The following EYS variants were observed in gnomAD, a reference collection of about 807,000 sequenced individuals.
EYS encodes protein eyes shut homolog.
Under a neutral mutation model 282.1 loss-of-function variants are expected in EYS, and 250 were observed. The observed-to-expected ratio is 0.89, with a 90% CI of 0.80 to 0.98. The LOEUF (loss-of-function observed/expected upper bound fraction) is 0.98. Among genes scored for constraint, EYS ranks in the 50% least tolerant of loss-of-function variants. EYS has a pLI of 0.00. For synonymous variants in EYS, 1,355 were observed against 1,282.9 expected, an observed-to-expected ratio of 1.06 and a Z score of -1.20; for missense variants, 4,016 against 3,709.0, an observed-to-expected ratio of 1.08 and a Z score of -2.15.
At position 64,573,789 on chromosome 6, in the gene EYS, A is replaced by G. The variant is rs544379043; in HGVS notation, c.5644+16434T>C. 1.2e-4 allele frequency among the ~76,000 whole-genome samples: 18 copies of G among 152,328 alleles called. No individual in the cohort carries two copies. The South Asian group carries it at 3.7e-3, about 32-fold the overall frequency. On this transcript the variant is annotated intron_variant, in intron 26 of 42. Transcript: ENST00000503581. Reference sequence around the variant, plus strand: ...AGTCAGGAAACAACAGATGCTGGCGAAGTTGTGGAGAAACAGGAATGCTTT... The same window carrying G: ...AGTCAGGAAACAACAGATGCTGGCGGAGTTGTGGAGAAACAGGAATGCTTT...
intron 12 of EYS, among the ~76,000 whole-genome samples, chr6:65,212,398 C>G (rs1486469761): frequency 1.3e-5 from 2 of 152,184 alleles, no homozygotes; most frequent in South Asian, 2.1e-4. Context: ...GGGATCTATA[C>G]AGCTGAATCT....
intron 36 of EYS, among the ~76,000 whole-genome samples, chr6:63,829,438 C>T (rs1241160541): frequency 6.6e-6 from 1 of 152,182 alleles, no homozygotes; most frequent in African/African-American, 2.4e-5. Flanking sequence ...ATTGGAGGGT[C>T]CCACGCCCAC....
At chr6:65,325,066 C>T (rs1192925005) in intron 11 of EYS, among the ~76,000 whole-genome samples, 1 of 152,190 alleles carries the variant, frequency 6.6e-6, no homozygotes, top group South Asian at 2.1e-4. Context: ...AGGTACACCC[C>T]CAGGCAGCTG....
At chr6:64,376,066 A>C (rs557521261) in intron 29 of EYS, among the ~76,000 whole-genome samples, 1 of 152,330 alleles carries the variant, frequency 6.6e-6, no homozygotes, top group African/African-American at 2.4e-5. Flanking sequence ...GGAGATTACA[A>C]AGCAAAATAA....
intron 30 of EYS, among the ~76,000 whole-genome samples, chr6:64,289,633 A>G (rs1768628013): frequency 6.6e-6 from 1 of 152,088 alleles, no homozygotes; most frequent in Non-Finnish European, 1.5e-5. Flanking sequence ...GAAAATAACT[A>G]CACAAATATA....
At chr6:64,997,446 T>A (rs1449805756) in intron 14 of EYS, 136 bp downstream of exon 14, 1 of 792,224 alleles carries the variant, frequency 1.3e-6, no homozygotes, top group East Asian at 2.9e-5. Context: ...GAGTTTCTGT[T>A]TTCTAACCTT....
intron 35 of EYS, among the ~76,000 whole-genome samples, chr6:63,898,145 T>A (rs537999281): frequency 6.6e-6 from 1 of 152,250 alleles, no homozygotes; most frequent in Non-Finnish European, 1.5e-5. Context: ...ATTTCTGTAG[T>A]GATATTTGGG....
intron 12 of EYS, among the ~76,000 whole-genome samples, chr6:65,083,856 C>A (rs939976049): frequency 8.6e-5 from 13 of 151,458 alleles, no homozygotes; most frequent in Admixed American, 5.9e-4. Flanking sequence ...TAGTATTAAT[C>A]TGAAGGTGAT....
At position 65,156,676 on chromosome 6, in the gene EYS, C is replaced by T. The variant is rs1050893502; in HGVS notation, c.2024-98949G>A. ...TGACATGAGGATGGCATTCCACATA[C>T]TCTACTCATAATTATCCAGACCATT... is the stretch of plus-strand genomic sequence containing the variant. On this transcript the variant is annotated intron_variant, in intron 12 of 42. Coordinates refer to ENST00000503581, the MANE Select transcript of EYS (RefSeq NM_001142800.2). Among the ~76,000 whole-genome samples the T allele has an allele frequency of 4.6e-5, 7 of 151,092 alleles. No homozygotes were observed. In the East Asian group the frequency reaches 1.4e-3, roughly 30 times the overall value.
chr6:63,965,181 CCTTTATAG>C (rs1227218839), intron 35 of EYS, among the ~76,000 whole-genome samples: 3 of 152,204 alleles, frequency 2.0e-5, no homozygotes, highest in Middle Eastern at 3.4e-3. Context: ...TTGTATTTAT[CCTTTATAG>C]GGTAGAATTC....
intron 35 of EYS, among the ~76,000 whole-genome samples, chr6:63,874,327 G>A (rs1772903299): frequency 6.6e-6 from 1 of 152,122 alleles, no homozygotes; most frequent in African/African-American, 2.4e-5. Flanking sequence ...TTATTTCTGA[G>A]GGCTCTGTTC....
intron 35 of EYS, among the ~76,000 whole-genome samples, chr6:63,887,321 T>TTG (rs960045944): frequency 1.3e-5 from 2 of 150,138 alleles, no homozygotes; most frequent in Non-Finnish European, 3.0e-5. Context: ...GGTGTTTTTT[T>TTG]TTTTTTTTTT....
intron 12 of EYS, among the ~76,000 whole-genome samples, chr6:65,105,651 C>T (rs569308752): frequency 5.3e-5 from 8 of 151,792 alleles, no homozygotes; most frequent in South Asian, 2.1e-4. Flanking sequence ...GAAACCACTG[C>T]GGTGCACTAT....
At chr6:64,846,649 T>C (rs950293586) in intron 19 of EYS, among the ~76,000 whole-genome samples, 2 of 152,128 alleles carry the variant, frequency 1.3e-5, no homozygotes, top group Non-Finnish European at 1.5e-5. Context: ...TTATATATTC[T>C]CAAAGCAATT....
intron 23 of EYS, 109 bp downstream of exon 23, chr6:64,626,012 T>C (rs779833690): frequency 2.4e-5 from 15 of 616,752 alleles, no homozygotes; most frequent in African/African-American, 3.8e-5. Context: ...ACAATAGTAT[T>C]GGTGGAGTGG....
At chr6:65,594,270 T>C (rs354364) in intron 2 of EYS, among the ~76,000 whole-genome samples, 43,408 of 151,784 alleles carry the variant, frequency 0.29, 6,700 homozygotes, top group African/African-American at 0.39. Flanking sequence ...AGAACACTTA[T>C]TGCTGTAAGC....
In EYS at chr6:65,453,428, T is replaced by C. The variant is rs564069771; in HGVS notation, c.862+37166A>G. On this transcript the variant is annotated intron_variant, in intron 5 of 42. Transcript: ENST00000503581. ...ATTGTAATTGTACATATTTATGAGG[T>C]ACACTTTGAGGTTTCAATACATATC... 2.6e-5 allele frequency among the ~76,000 whole-genome samples: 4 copies of C among 152,144 alleles called. No homozygotes were observed. The East Asian group carries it at 7.7e-4, about 29-fold the overall frequency.
chr6:63,827,704 C>T (rs939256766), intron 36 of EYS, among the ~76,000 whole-genome samples: 31 of 151,908 alleles, frequency 2.0e-4, no homozygotes, highest in African/African-American at 5.3e-4. Context: ...ATTAGCCGGG[C>T]GCTGTGGCGG....
Position 63,826,414 on chromosome 6 carries a change from G to C in EYS, c.7229-20042C>G, listed in dbSNP as rs139712370. On this transcript the variant is annotated intron_variant, in intron 36 of 42. Transcript: ENST00000503581. The stretch of plus-strand genomic sequence containing the variant: ...GCACCTGGGAAATTCATTGCAAAAG[G>C]ATCATCATTGCCTAGGCACATTGTC... Among the ~76,000 whole-genome samples, 1,166 of 152,284 alleles carry C rather than the reference G, an allele frequency of 7.7e-3. 10 individuals carry two copies. The highest frequency in any genetic ancestry group is 0.012 in the African/African-American group (492 of 41,560).
Sources: gnomAD v4.1 joint callset for allele counts (sites outside exome capture counted in the v4.1 genomes callset) on GRCh38, gnomAD v4.1.1 for gene constraint, MANE v1.5 for transcripts, NCBI Gene and HGNC (gene_info 2026-07-23, HGNC 2026-07-21) for gene names.